Variants in PRKD3 observed in about 807,000 individuals in gnomAD.
PRKD3 encodes the protein serine/threonine-protein kinase D3.
Under a neutral mutation model 99.2 loss-of-function variants are expected in PRKD3, and 47 were observed. The observed-to-expected ratio is 0.47, with a 90% CI of 0.38 to 0.60. PRKD3 has a LOEUF of 0.60. Ranked by LOEUF, PRKD3 falls within the 20% of genes least tolerant of loss-of-function variation. The pLI, the probability that PRKD3 is intolerant of heterozygous loss-of-function variation, is 0.00. For missense variants in PRKD3, 1,019 were observed against 1,088.4 expected (o/e 0.94, Z 0.90); for synonymous variants, 392 against 355.4 (o/e 1.10, Z -1.16).
chr2:37,263,527 CCTT>C lies in PRKD3; in HGVS notation c.1885-3146_1885-3144del, dbSNP rs532294376. Among the ~76,000 whole-genome samples the C allele has an allele frequency of 4.7e-3, 713 of 152,154 alleles. 6 individuals are homozygous for C. The highest frequency in any genetic ancestry group is 0.017 in the African/African-American group (690 of 41,522). ...ACTACTGATGTGTTTGTCTGTTTCT[CCTT>C]GTTTTTAGTTTTTCTTTATAAATGT... On this transcript the variant is annotated intron_variant, in intron 14 of 18. Transcript: ENST00000234179.
chr2:37,254,289 G>C lies in PRKD3; in HGVS notation c.2414C>G (p.Ala805Gly). 1 of 1,611,364 alleles carries C rather than the reference G, an allele frequency of 6.2e-7. No individual in the cohort carries two copies. Among genetic ancestry groups the C allele is most frequent in the Non-Finnish European group, 8.5e-7 (1 of 1,177,610 alleles). ...PNPWREISGE[A>G]IDLINNLLQV... Reference sequence around the variant, plus strand: ...AAGCAGATTGTTTATCAGATCAATTGCTAAGGGAAAAGACAAAACAAGATA... The same window carrying C: ...AAGCAGATTGTTTATCAGATCAATTCCTAAGGGAAAAGACAAAACAAGATA... Residue 805 changes from alanine (A) to glycine (G), a missense_variant and splice_region_variant, in exon 18 of 19, where the codon GCA becomes GGA. Physicochemically the swap from Ala to Gly is moderately conservative, Grantham distance 60. Transcript: ENST00000234179.
At chr2:37,305,443 T>C (rs1229406030) in intron 2 of PRKD3, among the ~76,000 whole-genome samples, 1 of 152,244 alleles carries the variant, frequency 6.6e-6, no homozygotes, top group Non-Finnish European at 1.5e-5. Context: ...ACTCCAATTA[T>C]ATCTACTATG....
chr2:37,274,830 C>G, intron 10 of PRKD3, 133 bp from the exon 11 acceptor site: 1 of 875,862 alleles, frequency 1.1e-6, no homozygotes, highest in East Asian at 2.7e-5. Flanking sequence ...ATTTAATACA[C>G]AGTTGAGTCT....
chr2:37,256,497 G>A (rs950113063), intron 17 of PRKD3, among the ~76,000 whole-genome samples, 165 bp downstream of exon 17: 1 of 152,090 alleles, frequency 6.6e-6, no homozygotes, highest in Non-Finnish European at 1.5e-5. Flanking sequence ...AGTATAAAAA[G>A]AAGAGTGCTC....
chr2:37,260,302 T>G lies in PRKD3; in HGVS notation c.1967A>C (p.His656Pro). Residue 656 changes from histidine (H) to proline (P), a missense_variant, in exon 15 of 19, where the codon CAT becomes CCT. His to Pro is a moderately conservative substitution (Grantham distance 77). Around this residue, in one of 3 missense-constraint regions of PRKD3, gnomAD observed 184 missense variants for 275.1 expected, o/e 0.67. Transcript: ENST00000234179. ...ERVFVVMEKLHGDMLEMILSS... is the reference protein window; with the variant it reads ...ERVFVVMEKLPGDMLEMILSS... ...TAGAATCATTTCCAACATATCTCCA[T>G]GCAGCTTTTCCATTACTACAAAGAC... is the stretch of plus-strand genomic sequence containing the variant. The G allele has an allele frequency of 1.2e-6, 2 of 1,609,234 alleles. No individual in the cohort carries two copies. Among genetic ancestry groups the G allele is most frequent in the Non-Finnish European group, 1.7e-6 (2 of 1,175,604 alleles).
chr2:37,296,483 AT>A (rs1670677626), intron 2 of PRKD3, among the ~76,000 whole-genome samples: 1 of 152,132 alleles, frequency 6.6e-6, no homozygotes, highest in African/African-American at 2.4e-5. Context: ...ATACTCATCT[AT>A]ACGACAGACA....
In PRKD3 at chr2:37,282,450, A is replaced by C. The variant is rs1669896423; in HGVS notation, c.988+92T>G. On this transcript the variant is annotated intron_variant, in intron 7 of 18. Transcript: ENST00000234179. ...AAGAAAATCTTTAAGAAACAAAATA[A>C]ATCAGGAAAACAGAACCTTATCCAA... 5 of 839,154 alleles carry C rather than the reference A, an allele frequency of 6.0e-6. No individual in the cohort carries two copies. In the Admixed American group the frequency reaches 7.0e-5, roughly 12 times the overall value. The allele number at this position is 839,154 out of a possible 1,614,324, so 52.0% of individuals were successfully genotyped here.
chr2:37,289,565 T>G (rs748177330), intron 4 of PRKD3, 52 bp from the exon 5 acceptor site: 26 of 1,405,192 alleles, frequency 1.9e-5, no homozygotes, highest in Non-Finnish European at 2.5e-5. Context: ...AATTTACTAT[T>G]TAAGTGTGAT....
Position 37,272,442 on chromosome 2 carries a change from A to G in PRKD3, c.1652-10T>C, listed in dbSNP as rs749763391. ...CTTGTAGACAAATCTTCTGTAAAAT[A>G]TAAAAAAGACAAAATTTAGTATATG... On this transcript the variant is annotated splice_polypyrimidine_tract_variant and intron_variant, in intron 11 of 18. Coordinates refer to ENST00000234179, the MANE Select transcript of PRKD3 (RefSeq NM_005813.6). 6.9e-6 allele frequency: 11 copies of G among 1,599,378 alleles called. No homozygotes were observed. The highest frequency in any genetic ancestry group is 1.7e-4 in the Middle Eastern group (1 of 5,988).
At position 37,272,380 on chromosome 2, in the gene PRKD3, C is replaced by G. The variant is rs1669325565; in HGVS notation, c.1704G>C (p.Val568=). Residue 568 remains valine, a splice_region_variant and synonymous_variant, in exon 12 of 19, where the codon GTG becomes GTC. Transcript: ENST00000234179. ...CACATTAGCTATAACGATTACTTACCACATTCTCCTGAATCTGACAATTAG... is the reference window on the plus strand; with the variant it reads ...CACATTAGCTATAACGATTACTTACGACATTCTCCTGAATCTGACAATTAG... ...SVSNCQIQEN[V]DISTVYQIFA... The G allele has an allele frequency of 6.2e-7, 1 of 1,604,592 alleles. No homozygotes were observed. The highest frequency in any genetic ancestry group is 8.5e-7 in the Non-Finnish European group (1 of 1,177,286).
intron 2 of PRKD3, among the ~76,000 whole-genome samples, chr2:37,307,039 G>T (rs1035064712): frequency 2.0e-5 from 3 of 152,122 alleles, no homozygotes; most frequent in African/African-American, 7.2e-5. Flanking sequence ...TTAACATTTT[G>T]GGCCAGATAA....
chr2:37,301,429 C>A (rs1425508629), intron 2 of PRKD3, among the ~76,000 whole-genome samples: 1 of 150,934 alleles, frequency 6.6e-6, no homozygotes, highest in Non-Finnish European at 1.5e-5. Flanking sequence ...CTAATTAAAA[C>A]CAATTCTGGA....
intron 2 of PRKD3, among the ~76,000 whole-genome samples, chr2:37,306,519 C>CA (rs1233433989): frequency 1.3e-5 from 2 of 152,046 alleles, no homozygotes; most frequent in African/African-American, 4.8e-5. Flanking sequence ...CACTGTTAAA[C>CA]AAAAATGGGT....
Position 37,282,567 on chromosome 2 carries a change from G to A in PRKD3, c.963C>T (p.Cys321=). ...CTCCATTGAAAGTAACCTCTCCAAG[G>A]CAGTCTCTTGGTACTTTTGATGCAC... ...KRCASKVPRD[C]LGEVTFNGEP... is the part of the protein sequence containing the mutation. Residue 321 remains cysteine, a synonymous_variant, in exon 7 of 19, where the codon TGC becomes TGT. Transcript: ENST00000234179. 1 of 1,599,180 alleles carries A rather than the reference G, an allele frequency of 6.3e-7. No homozygotes were observed. The highest frequency in any genetic ancestry group is 8.6e-7 in the Non-Finnish European group (1 of 1,166,730).
Position 37,316,436 on chromosome 2 carries a change from G to C in PRKD3, c.89C>G (p.Ser30Ter). Residue 30 changes from serine (S) to a stop codon, truncating the protein, a stop_gained, in exon 2 of 19, where the codon TCA becomes TGA. Transcript: ENST00000234179. LOFTEE classifies it high-confidence loss of function. ...PAVLPAASPC[S>*]SPKTGLSARL... Reference sequence around the variant, plus strand: ...GGCAGAGAGTCCCGTCTTAGGACTTGAACACGGAGAAGCAGCTGGAAGCAC... The same window carrying C: ...GGCAGAGAGTCCCGTCTTAGGACTTCAACACGGAGAAGCAGCTGGAAGCAC... The C allele has an allele frequency of 1.2e-6, 2 of 1,614,248 alleles. No individual in the cohort carries two copies. The highest frequency in any genetic ancestry group is 1.7e-6 in the Non-Finnish European group (2 of 1,180,030).
chr2:37,274,657 C>G lies in PRKD3; in HGVS notation c.1415G>C (p.Arg472Pro). Residue 472 changes from arginine to proline, a missense_variant, in exon 11 of 19, where the codon CGA becomes CCA. Physicochemically the swap from Arg to Pro is moderately radical, Grantham distance 103. This residue lies in a region of PRKD3 where 710 missense variants were observed against 692.7 expected (regional missense o/e 1.02). Coordinates refer to ENST00000234179, the MANE Select transcript of PRKD3 (RefSeq NM_005813.6). ...LSEILRISSPRDFTNISQGSN... is the reference protein window; with the variant it reads ...LSEILRISSPPDFTNISQGSN... The stretch of plus-strand genomic sequence containing the variant: ...GCCTTGTGAAATGTTTGTGAAATCT[C>G]GTGGTGAAGATATGCGGAGAATTTC... 1 of 1,613,760 alleles carries G rather than the reference C, an allele frequency of 6.2e-7. No individual in the cohort carries two copies. Among genetic ancestry groups the G allele is most frequent in the Non-Finnish European group, 8.5e-7 (1 of 1,179,870 alleles).
At chr2:37,319,632 A>C (rs917766031) in intron 1 of PRKD3, among the ~76,000 whole-genome samples, 68 of 152,306 alleles carry the variant, frequency 4.5e-4, no homozygotes, top group South Asian at 6.2e-4. Flanking sequence ...AAAAGAGCTA[A>C]TGCAAAGCTA....
At chr2:37,274,948 G>A (rs1016625668) in intron 10 of PRKD3, among the ~76,000 whole-genome samples, 1 of 152,172 alleles carries the variant, frequency 6.6e-6, no homozygotes, top group African/African-American at 2.4e-5. Flanking sequence ...CAAGGAAGAA[G>A]ATATAGGAGA....
At chr2:37,261,305 G>A (rs557231848) in intron 14 of PRKD3, among the ~76,000 whole-genome samples, 18 of 151,992 alleles carry the variant, frequency 1.2e-4, no homozygotes, top group African/African-American at 3.4e-4. Context: ...TAGCAAACAC[G>A]GTGAAATCCT....
Sources: allele counts gnomAD v4.1 joint callset (sites outside exome capture counted in the v4.1 genomes callset), GRCh38; gene constraint gnomAD v4.1.1; regional missense constraint gnomAD v4.1.1; transcripts MANE v1.5; gene names NCBI Gene and HGNC (gene_info 2026-07-23, HGNC 2026-07-21).